Variants in SGSM1 observed in about 807,000 individuals in gnomAD.
The protein encoded by SGSM1 is RUN and TBC1 domain containing 2.
SGSM1 carries 73 observed loss-of-function variants against 133.8 expected under a neutral mutation model. That is an observed-to-expected ratio of 0.55 (90% CI 0.45 to 0.66). The LOEUF (loss-of-function observed/expected upper bound fraction) is 0.66, where lower values mean the gene tolerates loss of function less well. Among genes scored for constraint, SGSM1 ranks in the 30% least tolerant of loss-of-function variants. SGSM1 has a pLI of 0.00. For missense variants in SGSM1, 1,213 were observed against 1,448.1 expected, an observed-to-expected ratio of 0.84 and a Z score of 2.64; for synonymous variants, 563 against 573.0, an observed-to-expected ratio of 0.98 and a Z score of 0.25.
chr22:24,845,400 C>G (rs1052316433), intron 3 of SGSM1, among the ~76,000 whole-genome samples: 8 of 152,118 alleles, frequency 5.3e-5, no homozygotes, highest in South Asian at 4.1e-4. Context: ...GAAGGCAGGC[C>G]GAGGGCTCAG....
In SGSM1 at chr22:24,898,544, C is replaced by T. The variant is rs192179009; in HGVS notation, c.2595C>T (p.Ser865=). 1.0e-3 allele frequency: 1,667 copies of T among 1,605,608 alleles called. 4 individuals are homozygous for T. The highest frequency in any genetic ancestry group is 1.3e-3 in the Non-Finnish European group (1,524 of 1,175,344). The change falls in exon 19 of 25, where the codon AGC becomes AGT. Residue 865 remains serine, a synonymous_variant. Coordinates refer to ENST00000400358, the MANE Select transcript of SGSM1 (RefSeq NM_001098497.3). ...SANEVSPVSS[S]GVTYSPELLD... Reference sequence around the variant, plus strand: ...ACGAGGTGTCCCCTGTGTCTTCCAGCGGCGTCACCTACTCTGTAAGTCACC... The same window carrying T: ...ACGAGGTGTCCCCTGTGTCTTCCAGTGGCGTCACCTACTCTGTAAGTCACC...
intron 12 of SGSM1, among the ~76,000 whole-genome samples, chr22:24,870,232 C>T (rs1373648708): frequency 6.6e-6 from 1 of 152,208 alleles, no homozygotes; most frequent in Non-Finnish European, 1.5e-5. Context: ...CCTGGCTGGA[C>T]ACCAAGGCTG....
Position 24,868,769 on chromosome 22 carries a change from C to T in SGSM1, c.1205C>T (p.Ala402Val). 6.2e-7 allele frequency: 1 copy of T among 1,614,040 alleles called. No individual in the cohort carries two copies. Among genetic ancestry groups the T allele is most frequent in the Non-Finnish European group, 8.5e-7 (1 of 1,179,902 alleles). ...KLRKRSPQGS[A>V]ESTSSDKDDD... is the part of the protein sequence containing the mutation. ...CGCAAGCGAAGCCCTCAGGGTTCTG[C>T]CGAGTCCACATCTTCAGACAAAGAT... Residue 402 changes from alanine (A) to valine (V), a missense_variant, in exon 12 of 25, where the codon GCC becomes GTC. By Grantham distance (64) the Ala-to-Val change is moderately conservative. Coordinates refer to ENST00000400358, the MANE Select transcript of SGSM1 (RefSeq NM_001098497.3).
chr22:24,857,673 G>C (rs1170018690), intron 8 of SGSM1, among the ~76,000 whole-genome samples: 2 of 152,090 alleles, frequency 1.3e-5, no homozygotes, highest in African/African-American at 4.8e-5. Flanking sequence ...TTTTGACTTA[G>C]AGTCATCAGT....
intron 23 of SGSM1, among the ~76,000 whole-genome samples, chr22:24,919,061 T>G (rs78997154): frequency 7.0e-6 from 1 of 143,452 alleles, no homozygotes; most frequent in East Asian, 2.1e-4. Flanking sequence ...TTTTTTTTTT[T>G]TTTTCGAGAT....
chr22:24,841,608 C>T (rs1239618154), intron 2 of SGSM1, among the ~76,000 whole-genome samples: 1 of 152,158 alleles, frequency 6.6e-6, no homozygotes. Context: ...GCAGGGAGAC[C>T]AGTAAGAGTC....
At chr22:24,887,768 G>A (rs1479557824) in intron 16 of SGSM1, among the ~76,000 whole-genome samples, 1 of 152,134 alleles carries the variant, frequency 6.6e-6, no homozygotes, top group Non-Finnish European at 1.5e-5. Context: ...TCTAAGGAGA[G>A]AAAATAAACT....
chr22:24,864,445 G>A (rs1240988477), intron 9 of SGSM1, among the ~76,000 whole-genome samples: 1 of 152,200 alleles, frequency 6.6e-6, no homozygotes, highest in Admixed American at 6.5e-5. Context: ...CTGAAGAACG[G>A]ATGTAGACAT....
chr22:24,828,439 AAG>A (rs752255829), intron 2 of SGSM1, among the ~76,000 whole-genome samples: 10 of 152,108 alleles, frequency 6.6e-5, no homozygotes, highest in Non-Finnish European at 1.0e-4. Flanking sequence ...CCTCATTAAA[AAG>A]GGGGCAAATG....
At chr22:24,824,453 T>C (rs1928677381) in intron 2 of SGSM1, among the ~76,000 whole-genome samples, 1 of 152,104 alleles carries the variant, frequency 6.6e-6, no homozygotes, top group Non-Finnish European at 1.5e-5. Flanking sequence ...GTCTGTGCTT[T>C]GGAGCGTGCC....
At position 24,927,057 on chromosome 22, in the gene SGSM1, A is replaced by G. The variant is rs1376058677; in HGVS notation, c.*2783A>G. On this transcript the variant is annotated 3_prime_UTR_variant, in exon 25 of 25. Coordinates refer to ENST00000400358, the MANE Select transcript of SGSM1 (RefSeq NM_001098497.3). ...GTAATGCTGCATTACAAATGACCCA[A>G]AAAGTAGTGGTTTAAAACAGCCATG... The G allele has an allele frequency of 2.6e-5, 4 of 152,132 alleles. No individual in the cohort carries two copies. The highest frequency in any genetic ancestry group is 5.9e-5 in the Non-Finnish European group (4 of 68,014). The allele number at this position is 152,132 out of a possible 1,614,324, so 9.4% of individuals were successfully genotyped here.
rs1389000667 is a variant in SGSM1, at chr22:24,898,072, G to C, written c.2123G>C (p.Cys708Ser). ...AATGGGAACCTAGTGAACGGCACTT[G>C]TTCCCCAGACTCGGGTCATCCTTCC... ...IPNGNLVNGT[C>S]SPDSGHPSSH... The change falls in exon 19 of 25, where the codon TGT becomes TCT. Residue 708 changes from cysteine to serine, a missense_variant. Physicochemically the swap from Cys to Ser is moderately radical, Grantham distance 112 (BLOSUM62 -1). Coordinates refer to ENST00000400358, the MANE Select transcript of SGSM1 (RefSeq NM_001098497.3). 1 of 1,613,876 alleles carries C rather than the reference G, an allele frequency of 6.2e-7. No homozygotes were observed. The highest frequency in any genetic ancestry group is 8.5e-7 in the Non-Finnish European group (1 of 1,179,888).
At chr22:24,886,750 C>A in intron 16 of SGSM1, 22 bp downstream of exon 16, 1 of 1,568,416 alleles carries the variant, frequency 6.4e-7, no homozygotes, top group Non-Finnish European at 8.7e-7. Flanking sequence ...GCCATGGGCA[C>A]TGGGATCTTT....
At position 24,917,728 on chromosome 22, in the gene SGSM1, G is replaced by T. The variant is rs1388940370; in HGVS notation, c.2999G>T (p.Arg1000Leu). The T allele has an allele frequency of 6.2e-7, 1 of 1,613,550 alleles. No individual in the cohort carries two copies. Residue 1000 changes from arginine to leucine, a missense_variant, in exon 23 of 25, where the codon CGC becomes CTC. Coordinates refer to ENST00000400358, the MANE Select transcript of SGSM1 (RefSeq NM_001098497.3). ...GDYTHFYFCY[R>L]WFLLDFKREL... Reference sequence around the variant, plus strand: ...TATACTCACTTCTACTTCTGCTACCGCTGGTTCCTGCTGGATTTCAAGCGA... The same window carrying T: ...TATACTCACTTCTACTTCTGCTACCTCTGGTTCCTGCTGGATTTCAAGCGA...
chr22:24,905,326 A>G (rs890419825), intron 21 of SGSM1, 139 bp downstream of exon 21: 5 of 807,622 alleles, frequency 6.2e-6, no homozygotes, highest in Non-Finnish European at 1.1e-5. Flanking sequence ...GAACACATCA[A>G]GATCCTAGTG....
At chr22:24,876,456 G>A in intron 12 of SGSM1, 121 bp from the exon 13 acceptor site, 1 of 1,272,946 alleles carries the variant, frequency 7.9e-7, no homozygotes. Flanking sequence ...TCATCTTCAG[G>A]GTCTTTTCCT....
chr22:24,905,365 G>T (rs1342052215), intron 21 of SGSM1, among the ~76,000 whole-genome samples, 178 bp downstream of exon 21: 1 of 152,134 alleles, frequency 6.6e-6, no homozygotes, highest in East Asian at 1.9e-4. Context: ...ATTCCATGGT[G>T]CCCCATACTC....
intron 4 of SGSM1, among the ~76,000 whole-genome samples, chr22:24,849,683 C>A (rs1369938955): frequency 6.6e-6 from 1 of 152,192 alleles, no homozygotes; most frequent in Non-Finnish European, 1.5e-5. Flanking sequence ...TTGGTTGGTC[C>A]AGGAGGGCTT....
chr22:24,841,498 G>T (rs573584755), intron 2 of SGSM1, among the ~76,000 whole-genome samples: 28 of 152,310 alleles, frequency 1.8e-4, no homozygotes, highest in African/African-American at 6.3e-4. Context: ...GTAGCTCAAG[G>T]CCTCTGTTTC....
Sources: gnomAD v4.1 joint callset for allele counts (sites outside exome capture counted in the v4.1 genomes callset) on GRCh38, gnomAD v4.1.1 for gene constraint, MANE v1.5 for transcripts, NCBI Gene and HGNC (gene_info 2026-07-23, HGNC 2026-07-21) for gene names.